The following ABAT variants were observed in gnomAD, a reference collection of about 807,000 sequenced individuals.
ABAT encodes 4-aminobutyrate aminotransferase.
Under a neutral mutation model 64.6 loss-of-function variants are expected in ABAT, and 45 were observed. The ratio of observed to expected loss-of-function variants is 0.70; its 90% confidence interval spans 0.55 to 0.89. The LOEUF (loss-of-function observed/expected upper bound fraction) is 0.89. Ranked by LOEUF, ABAT falls within the 40% of genes least tolerant of loss-of-function variation. The pLI is 0.00. For missense variants in ABAT, 633 were observed against 658.4 expected, an observed-to-expected ratio of 0.96 and a Z score of 0.42; for synonymous variants, 297 against 250.5, an observed-to-expected ratio of 1.19 and a Z score of -1.75.
chr16:8,743,318 CTG>C (rs56100974), intron 2 of ABAT, among the ~76,000 whole-genome samples: 5,831 of 142,344 alleles, frequency 0.041, 375 homozygotes, highest in African/African-American at 0.14. Flanking sequence ...ATGTGTGTCT[CTG>C]TGTGTGTGTG....
In ABAT at chr16:8,766,253, A is replaced by T; in HGVS notation, c.586A>T (p.Thr196Ser). Residue 196 changes from threonine (T) to serine (S), a missense_variant, in exon 9 of 16, where the codon ACG becomes TCG. Thr to Ser is a moderately conservative substitution (Grantham distance 58). Transcript: ENST00000268251. The part of the protein sequence containing the change: ...QRGFSQEELE[T>S]CMINQAPGCP... ...GGGCTTCTCCCAGGAGGAGCTGGAG[A>T]CGTGCATGATTAACCAGGTGAGTGC... 1 of 1,614,106 alleles carries T rather than the reference A, an allele frequency of 6.2e-7. No homozygotes were observed. Among genetic ancestry groups the T allele is most frequent in the Non-Finnish European group, 8.5e-7 (1 of 1,179,970 alleles).
intron 1 of ABAT, chr16:8,713,264 C>G (rs1487439675): frequency 6.8e-6 from 1 of 146,646 alleles, no homozygotes; most frequent in Non-Finnish European, 1.5e-5. Context: ...TTTGTCCCTT[C>G]AGGGGTTCCT....
At chr16:8,701,530 C>G (rs865837013) in intron 1 of ABAT, among the ~76,000 whole-genome samples, 28 of 152,204 alleles carry the variant, frequency 1.8e-4, no homozygotes, top group Non-Finnish European at 2.9e-5. Flanking sequence ...CTTCACTATC[C>G]GATGTGACTG....
rs1447102616 is a variant in ABAT, at chr16:8,761,328, C to T, written c.367-2741C>T. Among the ~76,000 whole-genome samples the T allele has an allele frequency of 3.9e-5, 6 of 152,232 alleles. No homozygotes were observed. In the South Asian group the frequency reaches 8.3e-4, roughly 21 times the overall value. ...ACCTCCCTTCTCACCCCCTCCAAAC[C>T]GTCCACCAAACTGTGCCGCGTGTGG... On this transcript the variant is annotated intron_variant, in intron 6 of 15. Coordinates refer to ENST00000268251, the MANE Select transcript of ABAT (RefSeq NM_020686.6).
chr16:8,745,567 C>T (rs1319224271), intron 2 of ABAT, among the ~76,000 whole-genome samples: 2 of 151,924 alleles, frequency 1.3e-5, no homozygotes, highest in Non-Finnish European at 2.9e-5. Flanking sequence ...CATGGTGGTG[C>T]GTGCCTGTAA....
intron 4 of ABAT, among the ~76,000 whole-genome samples, chr16:8,749,417 G>A (rs1254064560): frequency 5.7e-3 from 26 of 4,578 alleles, no homozygotes; most frequent in Admixed American, 0.05. Context: ...TTTTTTTTTT[G>A]AGATGAAGTC....
intron 11 of ABAT, among the ~76,000 whole-genome samples, chr16:8,771,165 C>T (rs923201205): frequency 6.6e-6 from 1 of 151,932 alleles, no homozygotes; most frequent in East Asian, 1.9e-4. Context: ...CATGGTGGTG[C>T]ATGCCTGTAA....
chr16:8,778,500 C>A (rs563214606), intron 14 of ABAT, among the ~76,000 whole-genome samples: 6 of 152,140 alleles, frequency 3.9e-5, no homozygotes, highest in Non-Finnish European at 7.4e-5. Flanking sequence ...TTGAGCCGGG[C>A]GCTGTGGCTC....
At chr16:8,688,157 C>A (rs1427368284) in intron 1 of ABAT, among the ~76,000 whole-genome samples, 1 of 152,070 alleles carries the variant, frequency 6.6e-6, no homozygotes, top group East Asian at 1.9e-4. Flanking sequence ...TCCCAAAGTG[C>A]TGGGATTATA....
chr16:8,724,646 G>A (rs2058481164), intron 1 of ABAT, among the ~76,000 whole-genome samples: 1 of 149,488 alleles, frequency 6.7e-6, no homozygotes, highest in Admixed American at 6.7e-5. Context: ...TGAGATGGGA[G>A]GATCACTTGA....
intron 5 of ABAT, chr16:8,757,384 T>A (rs1165692229): frequency 1.1e-5 from 4 of 358,100 alleles, no homozygotes; most frequent in Non-Finnish European, 2.2e-5. Context: ...GCCAGGCTGG[T>A]CTGGAACTCC....
chr16:8,694,131 G>A (rs1229158729), intron 1 of ABAT, among the ~76,000 whole-genome samples: 2 of 151,108 alleles, frequency 1.3e-5, no homozygotes, highest in Non-Finnish European at 2.9e-5. Context: ...CCAGGTTCAC[G>A]CCATTCTCCT....
At chr16:8,706,106 G>A (rs927174149) in intron 1 of ABAT, among the ~76,000 whole-genome samples, 21 of 152,002 alleles carry the variant, frequency 1.4e-4, no homozygotes, top group African/African-American at 3.4e-4. Context: ...CATGGAAGGC[G>A]TACATTAAAA....
chr16:8,729,172 G>A (rs2058645947), intron 1 of ABAT, among the ~76,000 whole-genome samples: 1 of 152,022 alleles, frequency 6.6e-6, no homozygotes, highest in Non-Finnish European at 1.5e-5. Flanking sequence ...GCTGGGCGTG[G>A]CGGCGTTCGC....
intron 1 of ABAT, chr16:8,720,682 C>T (rs2058343710): frequency 6.6e-6 from 1 of 152,302 alleles, no homozygotes; most frequent in South Asian, 2.1e-4. Context: ...AACCCCTGGC[C>T]TTGACAACTG....
At chr16:8,743,444 T>TATATATATATATATATATATAA (rs368568293) in intron 2 of ABAT, among the ~76,000 whole-genome samples, 1 of 117,702 alleles carries the variant, frequency 8.5e-6, no homozygotes, top group Non-Finnish European at 1.6e-5. Flanking sequence ...TATATATATA[T>TATATATATATATATATATATAA]ACACACATTT....
At chr16:8,676,990 G>C (rs964812166) in intron 1 of ABAT, among the ~76,000 whole-genome samples, 4 of 152,188 alleles carry the variant, frequency 2.6e-5, no homozygotes, top group Non-Finnish European at 2.9e-5. Context: ...CCAGTTCCCA[G>C]CTAAAGGATT....
Position 8,776,394 on chromosome 16 carries a change from G to A in ABAT, c.1173G>A (p.Leu391=). 2.5e-6 allele frequency: 4 copies of A among 1,614,220 alleles called. No individual in the cohort carries two copies. Among genetic ancestry groups the A allele is most frequent in the Non-Finnish European group, 3.4e-6 (4 of 1,180,048 alleles). The change falls in exon 14 of 16, where the codon TTG becomes TTA. Residue 391 remains leucine (L), a synonymous_variant. Transcript: ENST00000268251. This position sits in a 1 kb window ranked among gnomAD's most constrained non-coding sequence, Gnocchi z 4.4. ...TWLGDPSKNL[L]LAEVINIIKR... ...TGGGGGACCCGTCCAAGAACCTGTT[G>A]CTGGCTGAGGTCATCAACATCATCA...
intron 5 of ABAT, 95 bp downstream of exon 5, chr16:8,750,634 A>T: frequency 8.9e-7 from 1 of 1,117,990 alleles, no homozygotes; most frequent in South Asian, 1.2e-5. Context: ...TCCAGCAGGC[A>T]CATCCCAGAG....
Sources: gnomAD v4.1 joint callset for allele counts (sites outside exome capture counted in the v4.1 genomes callset) on GRCh38, gnomAD v4.1.1 for gene constraint, Gnocchi (gnomAD v3.1) non-coding constraint, MANE v1.5 for transcripts, NCBI Gene and HGNC (gene_info 2026-07-23, HGNC 2026-07-21) for gene names.